Variants in TYW1B observed in about 807,000 individuals in gnomAD.
TYW1B encodes the protein tRNA-yW synthesizing protein 1 homolog B.
TYW1B carries 73 observed loss-of-function variants against 86.9 expected under a neutral mutation model. The ratio of observed to expected loss-of-function variants is 0.84; its 90% CI spans 0.70 to 1.02. The LOEUF is 1.02. TYW1B is among the 50% of genes least tolerant of loss of function. The probability of loss-of-function intolerance (pLI) is 0.00; values close to 1 mark genes in which losing one functional copy is unlikely to be tolerated. For missense variants in TYW1B, 637 were observed against 827.4 expected, an observed-to-expected ratio of 0.77 and a Z score of 2.82; for synonymous variants, 248 against 292.8, an observed-to-expected ratio of 0.85 and a Z score of 1.56.
intron 13 of TYW1B, among the ~76,000 whole-genome samples, chr7:72,586,111 G>A (rs1563019470): frequency 1.3e-5 from 2 of 152,162 alleles, no homozygotes; most frequent in South Asian, 2.1e-4. Flanking sequence ...ATTATAGCAG[G>A]AGGACACACA....
intron 7 of TYW1B, among the ~76,000 whole-genome samples, chr7:72,747,572 G>C (rs1333416877): frequency 2.0e-5 from 3 of 152,178 alleles, no homozygotes; most frequent in Non-Finnish European, 4.4e-5. Flanking sequence ...ACACTGTCTT[G>C]AAAACTGTGA....
chr7:72,681,193 T>C (rs1225674620), intron 11 of TYW1B, among the ~76,000 whole-genome samples: 2 of 152,236 alleles, frequency 1.3e-5, no homozygotes, highest in East Asian at 1.9e-4. Context: ...AGCAGGTTGT[T>C]GGGAAATAAC....
chr7:72,808,096 C>CAAA (rs3034181), intron 4 of TYW1B, among the ~76,000 whole-genome samples: 1 of 90,706 alleles, frequency 1.1e-5, no homozygotes, highest in African/African-American at 4.2e-5. Context: ...GACTCTGTCT[C>CAAA]AAAAAAAAAA....
At chr7:72,608,449 T>C (rs1411139133) in intron 13 of TYW1B, among the ~76,000 whole-genome samples, 6 of 152,188 alleles carry the variant, frequency 3.9e-5, no homozygotes, top group Non-Finnish European at 5.9e-5. Flanking sequence ...TCACTCAAAC[T>C]GCTAACATGT....
intron 10 of TYW1B, among the ~76,000 whole-genome samples, chr7:72,697,726 A>C (rs1252545405): frequency 1.3e-5 from 2 of 152,224 alleles, no homozygotes; most frequent in East Asian, 1.9e-4. Context: ...CTGCTCTCCC[A>C]AAAAAAGACA....
chr7:72,826,407 T>A (rs1788929623), intron 2 of TYW1B, among the ~76,000 whole-genome samples: 1 of 151,076 alleles, frequency 6.6e-6, no homozygotes, highest in Admixed American at 6.6e-5. Flanking sequence ...CCCCTTGGTA[T>A]AATAAGGTCC....
chr7:72,586,720 G>A (rs1327165123), intron 13 of TYW1B, among the ~76,000 whole-genome samples: 3 of 151,568 alleles, frequency 2.0e-5, no homozygotes, highest in African/African-American at 7.3e-5. Flanking sequence ...ATGGGTGACA[G>A]AGTGAGACGC....
chr7:72,735,729 G>A (rs1275897883), intron 8 of TYW1B, among the ~76,000 whole-genome samples: 1 of 151,882 alleles, frequency 6.6e-6, no homozygotes, highest in Non-Finnish European at 1.5e-5. Flanking sequence ...AATTATCCGG[G>A]CTTGGTGGCG....
At position 72,652,377 on chromosome 7, in the gene TYW1B, GAAAAAAAA is replaced by G. The variant is rs1169791430; in HGVS notation, c.1507-23388_1507-23381del. On this transcript the variant is annotated intron_variant, in intron 11 of 13. Coordinates refer to ENST00000620995, the MANE Select transcript of TYW1B (RefSeq NM_001145440.3). ...TGGGCGACAGAGCAAGACTCTGTCTGAAAAAAAAAAAAAAAAAAAAAAAAAAAAATTTT... is the reference window on the plus strand; with the variant it reads ...TGGGCGACAGAGCAAGACTCTGTCTGAAAAAAAAAAAAAAAAAAAAATTTT... Among the ~76,000 whole-genome samples the G allele has an allele frequency of 6.1e-3, 191 of 31,292 alleles. 1 individual carries two copies. The highest frequency in any genetic ancestry group is 0.016 in the African/African-American group (181 of 11,614). The allele number at this position is 31,292 out of a possible 152,430, so 20.5% of individuals were successfully genotyped here.
intron 8 of TYW1B, among the ~76,000 whole-genome samples, chr7:72,734,547 C>T (rs1414626276): frequency 6.6e-6 from 1 of 152,034 alleles, no homozygotes; most frequent in Non-Finnish European, 1.5e-5. Context: ...TTGGTCTGGG[C>T]AATGATTTTA....
At position 72,789,127 on chromosome 7, in the gene TYW1B, G is replaced by A. The variant is rs144330131; in HGVS notation, c.847-11594C>T. ...ATTACAGGAATGAGCCACCAAGCCCGGCCTGGTGCAGACGTGAATTTATTT... is the reference window on the plus strand; with the variant it reads ...ATTACAGGAATGAGCCACCAAGCCCAGCCTGGTGCAGACGTGAATTTATTT... On this transcript the variant is annotated intron_variant, in intron 6 of 13. Transcript: ENST00000620995. Among the ~76,000 whole-genome samples the A allele has an allele frequency of 3.2e-3, 482 of 151,602 alleles. 1 individual carries two copies. Among genetic ancestry groups the A allele is most frequent in the Non-Finnish European group, 5.2e-3 (354 of 67,880 alleles).
chr7:72,620,469 G>C (rs1182509898), intron 12 of TYW1B, among the ~76,000 whole-genome samples: 1 of 152,120 alleles, frequency 6.6e-6, no homozygotes, highest in African/African-American at 2.4e-5. Context: ...GTAACTTCCT[G>C]AGTCAACCGC....
At chr7:72,586,333 C>T (rs1811275424) in intron 13 of TYW1B, among the ~76,000 whole-genome samples, 1 of 152,212 alleles carries the variant, frequency 6.6e-6, no homozygotes, top group South Asian at 2.1e-4. Flanking sequence ...CACCTAGACA[C>T]AGTTGACTGC....
chr7:72,709,417 C>G (rs1201802878), intron 10 of TYW1B, among the ~76,000 whole-genome samples: 4 of 152,148 alleles, frequency 2.6e-5, no homozygotes, highest in Non-Finnish European at 5.9e-5. Context: ...GCCTGTAATC[C>G]CAGCACTTTG....
chr7:72,647,271 C>A (rs538414154), intron 11 of TYW1B, among the ~76,000 whole-genome samples: 1 of 151,976 alleles, frequency 6.6e-6, no homozygotes, highest in Non-Finnish European at 1.5e-5. Flanking sequence ...TCAGTACCAA[C>A]GTTTAGAAAA....
rs1217445668 is a variant in TYW1B at position 72,763,277 on chromosome 7, CTTTTCTTTTTTTTTT to C, written c.964+14124_964+14138del. Among the ~76,000 whole-genome samples the C allele has an allele frequency of 2.8e-4, 31 of 111,622 alleles. 1 individual carries two copies. The East Asian group carries it at 6.9e-3, about 25-fold the overall frequency. 73.2% of individuals were successfully genotyped at this position (111,622 alleles called of 152,430 possible). A position where few individuals can be genotyped will look rare whatever the true frequency, so the allele number is the denominator to read the frequency against. On this transcript the variant is annotated intron_variant, in intron 7 of 13. Coordinates refer to ENST00000620995, the MANE Select transcript of TYW1B (RefSeq NM_001145440.3). ...GGGTTAAGGTTTTGTTTTTTCTTTTCTTTTCTTTTTTTTTTTTTTTTTGAGATGGAGTCTTGCTCT... is the reference window on the plus strand; with the variant it reads ...GGGTTAAGGTTTTGTTTTTTCTTTTCTTTTTTTGAGATGGAGTCTTGCTCT...
In TYW1B at chr7:72,728,948, A is replaced by G. The variant is rs1554459294; in HGVS notation, c.1083-17T>C. ...TTGTGGTGCCTAGGAACAAGACGCAAAGTTCTAAAAGACCCTTCTGTAATA... is the reference window on the plus strand; with the variant it reads ...TTGTGGTGCCTAGGAACAAGACGCAGAGTTCTAAAAGACCCTTCTGTAATA... On this transcript the variant is annotated splice_polypyrimidine_tract_variant and intron_variant, in intron 8 of 13. Coordinates refer to ENST00000620995, the MANE Select transcript of TYW1B (RefSeq NM_001145440.3). 6.2e-7 allele frequency: 1 copy of G among 1,607,836 alleles called. No individual in the cohort carries two copies. Among genetic ancestry groups the G allele is most frequent in the Non-Finnish European group, 8.5e-7 (1 of 1,175,202 alleles).
In TYW1B at chr7:72,694,605, T is replaced by A. The variant is rs530005199; in HGVS notation, c.1506+82A>T. On this transcript the variant is annotated intron_variant, in intron 11 of 13. Transcript: ENST00000620995. ...AAAAGAGGAAAAAGTACCTCTGTTC[T>A]TTTCTTCCATCTTTCTTTCTTCTTA... 3 of 1,371,934 alleles carry A rather than the reference T, an allele frequency of 2.2e-6. No homozygotes were observed. The African/African-American group carries it at 4.5e-5, about 20-fold the overall frequency. The allele number at this position is 1,371,934 out of a possible 1,614,324, so 85.0% of individuals were successfully genotyped here.
intron 11 of TYW1B, among the ~76,000 whole-genome samples, chr7:72,655,339 T>C (rs1185150410): frequency 6.6e-6 from 1 of 152,140 alleles, no homozygotes; most frequent in Non-Finnish European, 1.5e-5. Flanking sequence ...GGAATCCACA[T>C]GACTAACCGT....
Sources: gnomAD v4.1 joint callset for allele counts (sites outside exome capture counted in the v4.1 genomes callset) on GRCh38, gnomAD v4.1.1 for gene constraint, MANE v1.5 for transcripts, NCBI Gene and HGNC (gene_info 2026-07-23, HGNC 2026-07-21) for gene names.